The following PITPNB variants were observed in gnomAD, a reference collection of about 807,000 sequenced individuals.
The protein encoded by PITPNB is phosphatidylinositol transfer protein beta.
Under a neutral mutation model 45.9 loss-of-function variants are expected in PITPNB, and 16 were observed. That is an observed-to-expected ratio of 0.35 (90% CI 0.24 to 0.53). PITPNB has a LOEUF of 0.53. Among genes scored for constraint, PITPNB ranks in the 20% least tolerant of loss-of-function variants. The pLI is 0.93. For synonymous variants in PITPNB, 112 were observed against 108.9 expected (o/e 1.03, Z -0.18); for missense variants, 188 against 330.5 (o/e 0.57, Z 3.34).
chr22:27,865,167 T>TA (rs1369410794), intron 8 of PITPNB, among the ~76,000 whole-genome samples: 1 of 152,194 alleles, frequency 6.6e-6, no homozygotes, highest in Non-Finnish European at 1.5e-5. Flanking sequence ...TTTAAAAATT[T>TA]AAAAAAACCT....
At chr22:27,911,573 G>C (rs1935923821) in intron 2 of PITPNB, among the ~76,000 whole-genome samples, 1 of 152,184 alleles carries the variant, frequency 6.6e-6, no homozygotes, top group Non-Finnish European at 1.5e-5. Flanking sequence ...TAATGATAAA[G>C]GGGAGGGATG....
At position 27,885,785 on chromosome 22, in the gene PITPNB, A is replaced by C. The variant is rs143434075; in HGVS notation, c.456+8770T>G. On this transcript the variant is annotated intron_variant, in intron 7 of 11. Coordinates refer to ENST00000335272, the MANE Select transcript of PITPNB (RefSeq NM_012399.5). ...TACTATTTGAACAATAAAAACTTCA[A>C]CTCCTCCAAAAAGCCTTTTCTTCTT... Among the ~76,000 whole-genome samples, 118 of 152,326 alleles carry C rather than the reference A, an allele frequency of 7.7e-4. 1 individual carries two copies. The East Asian group carries it at 0.013, about 16-fold the overall frequency.
At chr22:27,879,795 A>G (rs75710324) in intron 7 of PITPNB, among the ~76,000 whole-genome samples, 6,290 of 152,146 alleles carry the variant, frequency 0.041, 202 homozygotes, top group South Asian at 0.11. Context: ...TATTATATCA[A>G]TTTCCTTAAA....
chr22:27,859,421 A>G (rs2146347754), intron 9 of PITPNB, among the ~76,000 whole-genome samples: 1 of 152,144 alleles, frequency 6.6e-6, no homozygotes, highest in East Asian at 1.9e-4. Context: ...CTGAGATATA[A>G]TGAGGGCTTC....
chr22:27,910,870 A>G, intron 3 of PITPNB, 94 bp downstream of exon 3: 1 of 821,352 alleles, frequency 1.2e-6, no homozygotes. Flanking sequence ...CTGAAATTAA[A>G]AATGTACTTC....
chr22:27,853,640 C>T lies in PITPNB; in HGVS notation c.*62G>A, dbSNP rs1158093558. The T allele has an allele frequency of 6.4e-7, 1 of 1,550,840 alleles. No individual in the cohort carries two copies. Among genetic ancestry groups the T allele is most frequent in the East Asian group, 2.4e-5 (1 of 40,920 alleles). ...ACTCATCACTGGCTGCGCTTGTTCCCCTCACTTGACCTTGATTACGTAACT... is the reference window on the plus strand; with the variant it reads ...ACTCATCACTGGCTGCGCTTGTTCCTCTCACTTGACCTTGATTACGTAACT... On this transcript the variant is annotated 3_prime_UTR_variant, in exon 12 of 12. Coordinates refer to ENST00000335272, the MANE Select transcript of PITPNB (RefSeq NM_012399.5).
rs115760095 is a variant in PITPNB at position 27,881,423 on chromosome 22, C to G, written c.457-7608G>C. ...TAATAAAGAGTTTTTGGATCACACA[C>G]CCTAGTGATAAGTAACACATTTTTA... On this transcript the variant is annotated intron_variant, in intron 7 of 11. Transcript: ENST00000335272. Among the ~76,000 whole-genome samples, 401 of 152,266 alleles carry G rather than the reference C, an allele frequency of 2.6e-3. 3 individuals are homozygous for G. The highest frequency in any genetic ancestry group is 9.3e-3 in the African/African-American group (385 of 41,544).
intron 1 of PITPNB, among the ~76,000 whole-genome samples, chr22:27,915,586 T>C (rs1936053128): frequency 6.6e-6 from 1 of 152,186 alleles, no homozygotes; most frequent in African/African-American, 2.4e-5. Context: ...CCCCTTTGAC[T>C]ACTGAGTTAC....
chr22:27,919,247 C>T lies in PITPNB; in HGVS notation c.-56G>A, dbSNP rs1008148597. On this transcript the variant is annotated 5_prime_UTR_variant, in exon 1 of 12. Coordinates refer to ENST00000335272, the MANE Select transcript of PITPNB (RefSeq NM_012399.5). ...ATACCACCGCCGCCGCCGCCGCTAC[C>T]GCCTCTCACAGCGCCTGCGCGGCCC... 4 of 1,504,220 alleles carry T rather than the reference C, an allele frequency of 2.7e-6. No individual in the cohort carries two copies. In the African/African-American group the frequency reaches 4.1e-5, roughly 15 times the overall value. The allele number at this position is 1,504,220 out of a possible 1,614,324, so 93.2% of individuals were successfully genotyped here. A position where few individuals can be genotyped will look rare whatever the true frequency, so the allele number is the denominator to read the frequency against.
intron 3 of PITPNB, among the ~76,000 whole-genome samples, chr22:27,902,915 C>A (rs1935643276): frequency 6.6e-6 from 1 of 151,954 alleles, no homozygotes; most frequent in East Asian, 1.9e-4. Flanking sequence ...AAGATGGGGT[C>A]GCAGTATGTT....
chr22:27,903,815 G>T (rs561852953), intron 3 of PITPNB, among the ~76,000 whole-genome samples: 1 of 150,482 alleles, frequency 6.6e-6, no homozygotes, highest in South Asian at 2.1e-4. Flanking sequence ...GAAAGTGGGG[G>T]TACAAGATTT....
chr22:27,893,902 T>C (rs973530910), intron 7 of PITPNB, among the ~76,000 whole-genome samples: 8 of 152,222 alleles, frequency 5.3e-5, no homozygotes, highest in African/African-American at 1.9e-4. Context: ...AAGATTATTC[T>C]ATTATGCTTA....
At chr22:27,907,365 T>C (rs1935794794) in intron 3 of PITPNB, among the ~76,000 whole-genome samples, 2 of 152,224 alleles carry the variant, frequency 1.3e-5, no homozygotes, top group African/African-American at 4.8e-5. Flanking sequence ...CATAATATAG[T>C]TATCCTGTGG....
chr22:27,917,152 T>C (rs1936104655), intron 1 of PITPNB, among the ~76,000 whole-genome samples: 1 of 152,208 alleles, frequency 6.6e-6, no homozygotes, highest in Non-Finnish European at 1.5e-5. Flanking sequence ...TTTGGGCACG[T>C]GTCAACATTC....
intron 10 of PITPNB, among the ~76,000 whole-genome samples, chr22:27,857,176 A>G (rs1327925774): frequency 6.6e-6 from 1 of 152,188 alleles, no homozygotes; most frequent in Non-Finnish European, 1.5e-5. Flanking sequence ...TGGCTAGTCT[A>G]GAAACCAAAC....
intron 5 of PITPNB, 93 bp from the exon 6 acceptor site, chr22:27,896,719 G>T: frequency 1.3e-6 from 1 of 768,420 alleles, no homozygotes; most frequent in Non-Finnish European, 2.3e-6. Flanking sequence ...AGGCATCCAT[G>T]CTTTGACTCT....
chr22:27,864,824 G>C (rs1253022611), intron 8 of PITPNB, among the ~76,000 whole-genome samples: 1 of 151,988 alleles, frequency 6.6e-6, no homozygotes, highest in African/African-American at 2.4e-5. Flanking sequence ...TATAATCCCA[G>C]TTACTTGGAA....
In PITPNB at chr22:27,910,124, G is replaced by C. The variant is rs149556111; in HGVS notation, c.197+840C>G. On this transcript the variant is annotated intron_variant, in intron 3 of 11. Coordinates refer to ENST00000335272, the MANE Select transcript of PITPNB (RefSeq NM_012399.5). The stretch of plus-strand genomic sequence containing the variant: ...CGCCACCACACCCAGGCTAATTTTT[G>C]TATTTTTAGTAGAGACAGGGTTTCA... Among the ~76,000 whole-genome samples the C allele has an allele frequency of 6.9e-3, 1,046 of 151,904 alleles. 12 individuals carry two copies. Among genetic ancestry groups the C allele is most frequent in the African/African-American group, 0.024 (1,009 of 41,414 alleles).
intron 7 of PITPNB, among the ~76,000 whole-genome samples, chr22:27,882,891 T>C (rs775714840): frequency 1.3e-5 from 2 of 152,250 alleles, no homozygotes; most frequent in Non-Finnish European, 2.9e-5. Context: ...TTCCTTTAAC[T>C]GGAGAAAGAT....
Sources: gnomAD v4.1 joint callset for allele counts (sites outside exome capture counted in the v4.1 genomes callset) on GRCh38, gnomAD v4.1.1 for gene constraint, MANE v1.5 for transcripts, NCBI Gene and HGNC (gene_info 2026-07-23, HGNC 2026-07-21) for gene names.